The following ARHGEF10 variants were observed in gnomAD, a reference collection of about 807,000 sequenced individuals.
The protein encoded by ARHGEF10 is Rho guanine nucleotide exchange factor (GEF) 10.
A neutral mutation model predicts 147.4 loss-of-function variants in ARHGEF10; 140 were observed. The observed-to-expected ratio is 0.95, with a 90% confidence interval of 0.83 to 1.09. ARHGEF10 has a LOEUF of 1.09. Ranked by LOEUF, ARHGEF10 falls within the 50% of genes least tolerant of loss-of-function variation. The pLI is 0.00. For synonymous variants in ARHGEF10, 902 were observed against 695.8 expected (o/e 1.30, Z -4.67); for missense variants, 2,222 against 1,752.7 (o/e 1.27, Z -4.78).
chr8:1,840,039 A>C (rs1585226491), intron 1 of ARHGEF10, among the ~76,000 whole-genome samples: 1 of 119,562 alleles, frequency 8.4e-6, no homozygotes. Flanking sequence ...TCCTGTGTGG[A>C]AGCTGTCCGA....
At chr8:1,830,092 C>T (rs1802998575) in intron 1 of ARHGEF10, among the ~76,000 whole-genome samples, 2 of 152,252 alleles carry the variant, frequency 1.3e-5, no homozygotes. Flanking sequence ...AGAGCCACTT[C>T]CCCGCTCCGT....
At chr8:1,908,160 C>T (rs1213154410) in intron 17 of ARHGEF10, among the ~76,000 whole-genome samples, 1 of 151,738 alleles carries the variant, frequency 6.6e-6, no homozygotes, top group South Asian at 2.1e-4. Flanking sequence ...AGACGGGCTC[C>T]CAGCCAGTCA....
chr8:1,830,826 A>G (rs970652398), intron 1 of ARHGEF10, among the ~76,000 whole-genome samples: 1 of 152,244 alleles, frequency 6.6e-6, no homozygotes, highest in African/African-American at 2.4e-5. Context: ...TTTGAAATTG[A>G]ATAGGAGCCA....
intron 6 of ARHGEF10, among the ~76,000 whole-genome samples, chr8:1,868,109 A>G (rs558380139): frequency 1.4e-3 from 216 of 152,370 alleles, no homozygotes; most frequent in African/African-American, 4.9e-3. Context: ...GTCTCTGAAC[A>G]TTATCTAAGA....
At chr8:1,890,076 T>G (rs1314688856) in intron 11 of ARHGEF10, among the ~76,000 whole-genome samples, 2 of 139,838 alleles carry the variant, frequency 1.4e-5, no homozygotes, top group Non-Finnish European at 3.1e-5. Flanking sequence ...ACACCGAGTG[T>G]GGTGTGAGGG....
chr8:1,849,906 G>A (rs1414072234), intron 2 of ARHGEF10, among the ~76,000 whole-genome samples: 15 of 143,688 alleles, frequency 1.0e-4, no homozygotes, highest in South Asian at 4.4e-4. Flanking sequence ...GGACACAGAG[G>A]GCAAATGCTG....
chr8:1,930,802 A>G (rs907836805), intron 25 of ARHGEF10, among the ~76,000 whole-genome samples: 2 of 152,120 alleles, frequency 1.3e-5, no homozygotes, highest in African/African-American at 4.8e-5. Context: ...CACCTGCGCC[A>G]AGAAGGCCTG....
At chr8:1,934,508 A>G (rs1813414626) in intron 26 of ARHGEF10, among the ~76,000 whole-genome samples, 2 of 152,242 alleles carry the variant, frequency 1.3e-5, no homozygotes, top group African/African-American at 4.8e-5. Flanking sequence ...GCTTTAAGAA[A>G]TGTGTTCAGT....
Position 1,958,031 on chromosome 8 carries a change from C to G in ARHGEF10, c.*768C>G, listed in dbSNP as rs1219270592. On this transcript the variant is annotated 3_prime_UTR_variant, in exon 29 of 29. Coordinates refer to ENST00000349830, the MANE Select transcript of ARHGEF10 (RefSeq NM_014629.4). ...AGCATCAACACCAAATTATTCCTCCCTTCTCGTATAAATAGAGTGACTATC... is the reference window on the plus strand; with the variant it reads ...AGCATCAACACCAAATTATTCCTCCGTTCTCGTATAAATAGAGTGACTATC... 1 of 152,250 alleles carries G rather than the reference C, an allele frequency of 6.6e-6. No individual in the cohort carries two copies. Among genetic ancestry groups the G allele is most frequent in the Non-Finnish European group, 1.5e-5 (1 of 68,058 alleles). The allele number at this position is 152,250 out of a possible 1,614,324, so 9.4% of individuals were successfully genotyped here. A position where few individuals can be genotyped will look rare whatever the true frequency, so the allele number is the denominator to read the frequency against.
Position 1,936,611 on chromosome 8 carries a change from T to C in ARHGEF10, c.3222+2669T>C, listed in dbSNP as rs1813630363. Among the ~76,000 whole-genome samples, 3 of 152,088 alleles carry C rather than the reference T, an allele frequency of 2.0e-5. No individual in the cohort carries two copies. In the South Asian group the frequency reaches 6.2e-4, roughly 32 times the overall value. On this transcript the variant is annotated intron_variant, in intron 26 of 28. Transcript: ENST00000349830. The stretch of plus-strand genomic sequence containing the variant: ...ATCTCTTTGAAGCCTCTGAAGACGT[T>C]CTAATGACTAAATCTACACAAATCC...
chr8:1,908,441 C>A (rs1332940566), intron 17 of ARHGEF10, among the ~76,000 whole-genome samples: 1 of 152,028 alleles, frequency 6.6e-6, no homozygotes, highest in Non-Finnish European at 1.5e-5. Flanking sequence ...ACTGTGTTAG[C>A]CAGGATGGTC....
chr8:1,930,249 C>T (rs1297245489), intron 25 of ARHGEF10, among the ~76,000 whole-genome samples: 1 of 152,080 alleles, frequency 6.6e-6, no homozygotes, highest in Non-Finnish European at 1.5e-5. Context: ...CTGCACCACC[C>T]TCCCCACGGC....
At chr8:1,956,716 A>G (rs1439571884) in intron 28 of ARHGEF10, 33 bp from the exon 29 acceptor site, 1 of 1,613,330 alleles carries the variant, frequency 6.2e-7, no homozygotes, top group Non-Finnish European at 8.5e-7. Flanking sequence ...TGCCTATTTT[A>G]AAAGACAGCT....
chr8:1,850,615 C>T (rs576886324), intron 2 of ARHGEF10, among the ~76,000 whole-genome samples: 27 of 152,204 alleles, frequency 1.8e-4, no homozygotes, highest in African/African-American at 6.0e-4. Flanking sequence ...GGGCGTGGGG[C>T]AGCCGCGTGG....
chr8:1,864,593 A>G lies in ARHGEF10; in HGVS notation c.545+157A>G, dbSNP rs112246007. Among the ~76,000 whole-genome samples, 1,463 of 152,220 alleles carry G rather than the reference A, an allele frequency of 9.6e-3. 33 individuals carry two copies. The highest frequency in any genetic ancestry group is 0.034 in the African/African-American group (1,394 of 41,536). Reference sequence around the variant, plus strand: ...TCCTGCCTCGGGTCCCTCCCAGGCGAGTGTCCCTGGAAATGTAGGGTCAGG... The same window carrying G: ...TCCTGCCTCGGGTCCCTCCCAGGCGGGTGTCCCTGGAAATGTAGGGTCAGG... On this transcript the variant is annotated intron_variant, in intron 5 of 28. Coordinates refer to ENST00000349830, the MANE Select transcript of ARHGEF10 (RefSeq NM_014629.4).
intron 1 of ARHGEF10, among the ~76,000 whole-genome samples, chr8:1,824,392 G>A (rs1038559426): frequency 5.9e-5 from 9 of 152,136 alleles, no homozygotes; most frequent in African/African-American, 2.2e-4. Context: ...GGGCAGGAGC[G>A]AACTCCGATC....
intron 2 of ARHGEF10, among the ~76,000 whole-genome samples, chr8:1,848,430 G>T (rs1804722493): frequency 6.6e-6 from 1 of 152,314 alleles, no homozygotes; most frequent in African/African-American, 2.4e-5. Context: ...TCTGTACTTA[G>T]CATTTCTTGT....
intron 1 of ARHGEF10, among the ~76,000 whole-genome samples, chr8:1,837,423 CT>C (rs1426076671): frequency 2.0e-5 from 3 of 152,114 alleles, no homozygotes; most frequent in Non-Finnish European, 4.4e-5. Context: ...TCCGTTGGTC[CT>C]AAGATTATCA....
chr8:1,838,128 A>G (rs1803700704), intron 1 of ARHGEF10, among the ~76,000 whole-genome samples: 1 of 152,138 alleles, frequency 6.6e-6, no homozygotes, highest in Non-Finnish European at 1.5e-5. Flanking sequence ...GAAGGAACAG[A>G]CCTTGGGCTG....
Sources: gnomAD v4.1 joint callset for allele counts (sites outside exome capture counted in the v4.1 genomes callset) on GRCh38, gnomAD v4.1.1 for gene constraint, MANE v1.5 for transcripts, NCBI Gene and HGNC (gene_info 2026-07-23, HGNC 2026-07-21) for gene names.